ARHGAP29: variants seen among roughly 807,000 people sequenced by gnomAD.
ARHGAP29 encodes Rho GTPase activating protein 29.
ARHGAP29 carries 43 observed loss-of-function variants against 122.6 expected under a neutral mutation model. The observed-to-expected ratio is 0.35, with a 90% CI of 0.27 to 0.45. ARHGAP29 has a LOEUF of 0.45. ARHGAP29 is among the 20% of genes least tolerant of loss of function. The pLI is 1.00. For missense variants in ARHGAP29, 1,303 were observed against 1,477.2 expected (o/e 0.88, Z 1.93); for synonymous variants, 506 against 497.1 (o/e 1.02, Z -0.24).
intron 1 of ARHGAP29, among the ~76,000 whole-genome samples, chr1:94,268,498 T>A (rs923648264): frequency 1.3e-5 from 2 of 152,156 alleles, no homozygotes; most frequent in African/African-American, 4.8e-5. Flanking sequence ...TACTGCATAC[T>A]TTTTATTGTT....
chr1:94,204,102 C>A, intron 7 of ARHGAP29, 108 bp from the exon 8 acceptor site: 1 of 749,332 alleles, frequency 1.3e-6, no homozygotes, highest in Non-Finnish European at 2.2e-6. Context: ...ATCACAAATA[C>A]TAGTGTGTAT....
At chr1:94,222,497 C>T (rs1321809198) in intron 2 of ARHGAP29, among the ~76,000 whole-genome samples, 2 of 152,232 alleles carry the variant, frequency 1.3e-5, no homozygotes, top group South Asian at 2.1e-4. Context: ...CCCATAACTC[C>T]GGTCTAATGA....
At chr1:94,221,526 ATTAT>A (rs1652289509) in intron 2 of ARHGAP29, among the ~76,000 whole-genome samples, 1 of 148,308 alleles carries the variant, frequency 6.7e-6, no homozygotes, top group Non-Finnish European at 1.5e-5. Context: ...AGTCATCTAT[ATTAT>A]TTATATAAGT....
Position 94,204,000 on chromosome 1 carries a change from A to G in ARHGAP29, c.698-6T>C. On this transcript the variant is annotated splice_polypyrimidine_tract_variant and splice_region_variant and intron_variant, in intron 7 of 22. Transcript: ENST00000260526. The stretch of plus-strand genomic sequence containing the variant: ...ATTTCTAGTGGACTCCAATTCTGAA[A>G]AGTTCAAAGAGGGTATCAGAAGGTA... The G allele has an allele frequency of 1.9e-6, 3 of 1,613,012 alleles. No homozygotes were observed. The highest frequency in any genetic ancestry group is 2.5e-6 in the Non-Finnish European group (3 of 1,179,204).
intron 1 of ARHGAP29, among the ~76,000 whole-genome samples, chr1:94,273,645 A>G (rs1247247946): frequency 1.3e-5 from 2 of 152,248 alleles, no homozygotes; most frequent in African/African-American, 4.8e-5. Context: ...ACTTCCGTCT[A>G]TTATGACTGA....
At chr1:94,302,466 C>T in the ARHGAP29 span, 1 of 358,346 alleles carries the variant, frequency 2.8e-6, no homozygotes, top group Non-Finnish European at 5.4e-6. Context: ...TCAGCAATGC[C>T]TCCTGCACCA....
At chr1:94,193,910 T>C (rs768405574) in intron 12 of ARHGAP29, 2 of 152,212 alleles carry the variant, frequency 1.3e-5, no homozygotes, top group Non-Finnish European at 2.9e-5. Context: ...CTTTATAATA[T>C]GTATGACTTT....
At chr1:94,211,287 CAAAAAAAA>C (rs71094285) in intron 3 of ARHGAP29, among the ~76,000 whole-genome samples, 6 of 36,004 alleles carry the variant, frequency 1.7e-4, no homozygotes, top group Admixed American at 5.7e-4. Flanking sequence ...GCTCTGGCTC[CAAAAAAAA>C]AAAAAAAAAA....
rs1649233513 is a variant in ARHGAP29, at chr1:94,178,246, G to A, written c.2481-79C>T. ...ACTGTAGTTTACTATGGAATAGAGA[G>A]GGTGGAGGGAAAATGAGCTGCACAA... On this transcript the variant is annotated intron_variant, in intron 20 of 22. Transcript: ENST00000260526. The A allele has an allele frequency of 4.3e-6, 6 of 1,379,482 alleles. No individual in the cohort carries two copies. The South Asian group carries it at 7.2e-5, about 17-fold the overall frequency. The allele number at this position is 1,379,482 out of a possible 1,614,324, so 85.5% of individuals were successfully genotyped here.
At chr1:94,235,031 C>T (rs1653165030) in intron 1 of ARHGAP29, among the ~76,000 whole-genome samples, 1 of 151,938 alleles carries the variant, frequency 6.6e-6, no homozygotes, top group South Asian at 2.1e-4. Context: ...AAAAAATCTG[C>T]AAAAAACAAA....
chr1:94,205,316 A>G, intron 6 of ARHGAP29, 118 bp from the exon 7 acceptor site: 1 of 823,354 alleles, frequency 1.2e-6, no homozygotes, highest in Non-Finnish European at 1.7e-6. Flanking sequence ...TAAAAAAAAT[A>G]CAAGTGACAA....
chr1:94,225,210 T>A (rs1438208280), intron 2 of ARHGAP29, among the ~76,000 whole-genome samples: 2 of 152,130 alleles, frequency 1.3e-5, no homozygotes, highest in Non-Finnish European at 2.9e-5. Flanking sequence ...AAGTGGCTGC[T>A]TGATGCAGTA....
chr1:94,295,716 C>CTCCACACAATGTGGAATCTTCTAAT, the ARHGAP29 span, among the ~76,000 whole-genome samples: 74,045 of 88,006 alleles, frequency 0.84, 34,714 homozygotes, highest in Middle Eastern at 0.92. Context: ...GGAATTCTAA[C>CTCCACACAATGTGGAATCTTCTAAT]TCCACACAAT....
chr1:94,260,383 T>C (rs547684459), intron 1 of ARHGAP29, among the ~76,000 whole-genome samples: 2 of 152,284 alleles, frequency 1.3e-5, no homozygotes, highest in South Asian at 2.1e-4. Flanking sequence ...AGGGATTTCT[T>C]ACACTTTCAA....
intron 12 of ARHGAP29, among the ~76,000 whole-genome samples, chr1:94,199,727 C>G (rs1035811635): frequency 6.6e-6 from 1 of 152,190 alleles, no homozygotes; most frequent in Admixed American, 6.5e-5. Context: ...CCTTGCCTTT[C>G]CTGAGGAAAC....
chr1:94,257,641 C>T (rs1654412498), intron 1 of ARHGAP29, among the ~76,000 whole-genome samples: 1 of 152,126 alleles, frequency 6.6e-6, no homozygotes, highest in Middle Eastern at 3.4e-3. Context: ...CTTGGGAGGT[C>T]AAGCTTGCAG....
At chr1:94,236,076 CTT>C (rs1246933100) in intron 1 of ARHGAP29, among the ~76,000 whole-genome samples, 1 of 152,186 alleles carries the variant, frequency 6.6e-6, no homozygotes, top group Admixed American at 6.5e-5. Context: ...CAAGAATCTA[CTT>C]TGAGATGCTA....
Position 94,205,143 on chromosome 1 carries a change from G to A in ARHGAP29, c.615C>T (p.Ile205=), listed in dbSNP as rs557453310. The A allele has an allele frequency of 3.7e-6, 6 of 1,608,428 alleles. No homozygotes were observed. The highest frequency in any genetic ancestry group is 3.4e-5 in the Admixed American group (2 of 58,918). The change falls in exon 7 of 23, where the codon ATC becomes ATT. Residue 205 remains isoleucine (I), a synonymous_variant. Transcript: ENST00000260526. ...TTTTAGCATATGACAAAGCCAGCTC[G>A]ATAGAGTCAGTGTTCTTTAACAGCA... The part of the protein sequence containing the change: ...DNVLLKNTDS[I]ELALSYAKTW...
chr1:94,183,705 C>A (rs1424793201), intron 19 of ARHGAP29, among the ~76,000 whole-genome samples: 1 of 152,150 alleles, frequency 6.6e-6, no homozygotes, highest in Non-Finnish European at 1.5e-5. Flanking sequence ...GTTTTACTTA[C>A]TTCATATAAC....
Sources: gnomAD v4.1 joint callset for allele counts (sites outside exome capture counted in the v4.1 genomes callset) on GRCh38, gnomAD v4.1.1 for gene constraint, MANE v1.5 for transcripts, NCBI Gene and HGNC (gene_info 2026-07-23, HGNC 2026-07-21) for gene names.